The following ATP2B2 variants were observed in gnomAD, a reference collection of about 807,000 sequenced individuals.
ATP2B2 encodes plasma membrane calcium-transporting ATPase 2.
A neutral mutation model predicts 120.0 loss-of-function variants in ATP2B2; 15 were observed. That is an observed-to-expected ratio of 0.12 (90% CI 0.08 to 0.19). The LOEUF is 0.19. ATP2B2 is among the 10% of genes least tolerant of loss of function. The probability of loss-of-function intolerance (pLI) is 1.00; values close to 1 mark genes in which losing one functional copy is unlikely to be tolerated. For synonymous variants in ATP2B2, 694 were observed against 700.3 expected, an observed-to-expected ratio of 0.99 and a Z score of 0.14; for missense variants, 1,045 against 1,719.8, an observed-to-expected ratio of 0.61 and a Z score of 6.94.
Position 10,545,528 on chromosome 3 carries a change from CA to C in ATP2B2, c.-414-11396del, listed in dbSNP as rs5846669. Reference sequence around the variant, plus strand: ...TTGCTGACAGAGCAAGAATCCATCTCAAAAAAAAAAAAATTAAATAAATAAA... The same window carrying C: ...TTGCTGACAGAGCAAGAATCCATCTCAAAAAAAAAAAATTAAATAAATAAA... On this transcript the variant is annotated intron_variant, in intron 2 of 21. Coordinates refer to the ATP2B2 transcript ENST00000646379. Among the ~76,000 whole-genome samples, 483 of 132,518 alleles carry C rather than the reference CA, an allele frequency of 3.6e-3. 4 individuals are homozygous for C. Among genetic ancestry groups the C allele is most frequent in the African/African-American group, 7.0e-3 (253 of 36,110 alleles). 86.9% of individuals were successfully genotyped at this position (132,518 alleles called of 152,430 possible). A position where few individuals can be genotyped will look rare whatever the true frequency, so the allele number is the denominator to read the frequency against.
At chr3:10,606,710 C>T (rs1288939899) in intron 2 of ATP2B2, among the ~76,000 whole-genome samples, 1 of 151,984 alleles carries the variant, frequency 6.6e-6, no homozygotes. Context: ...CGGTTTGGAG[C>T]ACTAATGTGT....
At chr3:10,374,537 C>T (rs992533598) in intron 11 of ATP2B2, among the ~76,000 whole-genome samples, 1 of 152,340 alleles carries the variant, frequency 6.6e-6, no homozygotes, top group East Asian at 1.9e-4. Flanking sequence ...ATGGCCACGC[C>T]TCCACCCTTG....
chr3:10,443,341 G>A (rs1474698617), intron 2 of ATP2B2, among the ~76,000 whole-genome samples: 1 of 151,968 alleles, frequency 6.6e-6, no homozygotes, highest in Non-Finnish European at 1.5e-5. Flanking sequence ...TGGGGTCTTG[G>A]TGGACTGACC....
intron 2 of ATP2B2, among the ~76,000 whole-genome samples, chr3:10,538,995 A>G (rs2067376385): frequency 6.6e-6 from 1 of 152,222 alleles, no homozygotes; most frequent in Non-Finnish European, 1.5e-5. Context: ...TCAGCCCAAA[A>G]TCTTCTTAAG....
intron 1 of ATP2B2, among the ~76,000 whole-genome samples, chr3:10,705,542 G>T (rs2071882992): frequency 1.3e-5 from 2 of 152,316 alleles, no homozygotes; most frequent in Admixed American, 6.5e-5. Context: ...CTGCCTACAA[G>T]TCCTCTTGGA....
intron 3 of ATP2B2, among the ~76,000 whole-genome samples, chr3:10,517,149 T>G (rs769624614): frequency 1.3e-5 from 2 of 152,212 alleles, no homozygotes; most frequent in Non-Finnish European, 2.9e-5. Flanking sequence ...ACTGCCTCGG[T>G]GAAGTGAGGA....
intron 1 of ATP2B2, among the ~76,000 whole-genome samples, chr3:10,493,497 C>T (rs1462223775): frequency 6.6e-6 from 1 of 152,142 alleles, no homozygotes; most frequent in African/African-American, 2.4e-5. Context: ...GAAGGGCTTA[C>T]AGGCTGCAGA....
chr3:10,498,783 T>C (rs565372079), intron 1 of ATP2B2, among the ~76,000 whole-genome samples: 6 of 152,192 alleles, frequency 3.9e-5, no homozygotes, highest in African/African-American at 1.4e-4. Context: ...GCTTCTCCCA[T>C]AGGCTCCACC....
At position 10,328,557 on chromosome 3, in the gene ATP2B2, G is replaced by C. The variant is rs1051288700; in HGVS notation, c.*257C>G. ...TCTGGGTGGGAGCCAGGAAGGGCTT[G>C]TTTTGGGAAAACCGCTCACTCCCGT... is the stretch of plus-strand genomic sequence containing the variant. On this transcript the variant is annotated 3_prime_UTR_variant, in exon 23 of 23. Transcript: ENST00000360273. 1 of 485,082 alleles carries C rather than the reference G, an allele frequency of 2.1e-6. No individual in the cohort carries two copies. Among genetic ancestry groups the C allele is most frequent in the Non-Finnish European group, 3.7e-6 (1 of 272,770 alleles). 30.0% of individuals were successfully genotyped at this position (485,082 alleles called of 1,614,324 possible).
intron 1 of ATP2B2, among the ~76,000 whole-genome samples, chr3:10,685,623 C>T (rs1482068051): frequency 6.6e-6 from 1 of 152,206 alleles, no homozygotes; most frequent in African/African-American, 2.4e-5. Context: ...GTCCACTGGC[C>T]AAGCAATGTG....
intron 21 of ATP2B2, among the ~76,000 whole-genome samples, chr3:10,339,606 G>A (rs943451863): frequency 6.6e-6 from 1 of 152,164 alleles, no homozygotes; most frequent in Non-Finnish European, 1.5e-5. Context: ...AGCTGGAAGG[G>A]CCCCTAAAGA....
intron 2 of ATP2B2, among the ~76,000 whole-genome samples, chr3:10,541,266 T>A (rs1235524206): frequency 6.6e-6 from 1 of 152,200 alleles, no homozygotes; most frequent in African/African-American, 2.4e-5. Flanking sequence ...TTCAACTTTA[T>A]CGATTTCTAC....
At chr3:10,453,758 A>T (rs1326255492) in intron 1 of ATP2B2, among the ~76,000 whole-genome samples, 1 of 152,326 alleles carries the variant, frequency 6.6e-6, no homozygotes, top group Admixed American at 6.5e-5. Flanking sequence ...TATATCTGTG[A>T]TCACAACAGT....
At position 10,346,082 on chromosome 3, in the gene ATP2B2, G is replaced by A. The variant is rs182259252; in HGVS notation, c.2460C>T (p.Asp820=). The A allele has an allele frequency of 1.4e-4, 220 of 1,612,278 alleles. 1 individual carries two copies. In the East Asian group the frequency reaches 4.0e-3, roughly 29 times the overall value. The change falls in exon 17 of 23, where the codon GAC becomes GAT. Residue 820 remains aspartate, a synonymous_variant. Transcript: ENST00000360273. This position sits in a 1 kb window ranked among gnomAD's most constrained non-coding sequence, Gnocchi z 4.1. The stretch of plus-strand genomic sequence containing the variant: ...TGAGTGCAGGCCCGTCGTTGGTCCC[G>A]TCCCCCGTCACGGCCACCACCTGCC... ...EQRQVVAVTG[D]GTNDGPALKK...
chr3:10,416,282 T>G (rs2062778214), intron 2 of ATP2B2, among the ~76,000 whole-genome samples: 1 of 152,138 alleles, frequency 6.6e-6, no homozygotes, highest in Admixed American at 6.5e-5. Flanking sequence ...GGCCTCAAAG[T>G]GCATCTGTAT....
intron 2 of ATP2B2, among the ~76,000 whole-genome samples, chr3:10,557,323 T>G (rs1168550451): frequency 6.6e-6 from 1 of 152,184 alleles, no homozygotes; most frequent in Non-Finnish European, 1.5e-5. Flanking sequence ...AAAAAGTTCA[T>G]CAGAAAAGTC....
intron 7 of ATP2B2, among the ~76,000 whole-genome samples, chr3:10,385,786 G>T (rs2061660317): frequency 6.6e-6 from 1 of 152,248 alleles, no homozygotes; most frequent in Non-Finnish European, 1.5e-5. Context: ...CTGTGCATCA[G>T]GGTGTTCTGG....
At chr3:10,472,734 C>T (rs1304538894) in intron 1 of ATP2B2, among the ~76,000 whole-genome samples, 1 of 152,200 alleles carries the variant, frequency 6.6e-6, no homozygotes, top group Non-Finnish European at 1.5e-5. Context: ...GTAAACATCT[C>T]CCACCAGACT....
At chr3:10,614,436 A>G (rs1270098402) in intron 2 of ATP2B2, among the ~76,000 whole-genome samples, 1 of 152,224 alleles carries the variant, frequency 6.6e-6, no homozygotes, top group Non-Finnish European at 1.5e-5. Flanking sequence ...GCTTGAGCTC[A>G]AGAGAAAAAG....
Sources: gnomAD v4.1 joint callset for allele counts (sites outside exome capture counted in the v4.1 genomes callset) on GRCh38, gnomAD v4.1.1 for gene constraint, Gnocchi (gnomAD v3.1) non-coding constraint, MANE v1.5 for transcripts, NCBI Gene and HGNC (gene_info 2026-07-23, HGNC 2026-07-21) for gene names.